The following ZNF804B variants were observed in gnomAD, a reference collection of about 807,000 sequenced individuals.
ZNF804B encodes the protein zinc finger 804B.
ZNF804B carries 80 observed loss-of-function variants against 101.4 expected under a neutral mutation model. The ratio of observed to expected loss-of-function variants is 0.79; its 90% confidence interval spans 0.66 to 0.95. ZNF804B has a LOEUF of 0.95. ZNF804B is among the 40% of genes least tolerant of loss of function. ZNF804B has a pLI of 0.00. For synonymous variants in ZNF804B, 622 were observed against 558.8 expected, an observed-to-expected ratio of 1.11 and a Z score of -1.59; for missense variants, 1,673 against 1,561.9, an observed-to-expected ratio of 1.07 and a Z score of -1.20.
At chr7:89,156,154 C>G (rs1790971765) in intron 1 of ZNF804B, among the ~76,000 whole-genome samples, 1 of 151,352 alleles carries the variant, frequency 6.6e-6, no homozygotes, top group African/African-American at 2.4e-5. Context: ...ACTCTTGTTG[C>G]CCAGGCTGGA....
chr7:89,320,690 C>G (rs544518254), intron 2 of ZNF804B, among the ~76,000 whole-genome samples: 4 of 152,000 alleles, frequency 2.6e-5, no homozygotes, highest in Admixed American at 1.3e-4. Context: ...CCTAAAAGGA[C>G]AGATATAATG....
At chr7:89,110,470 T>A (rs1790200581) in intron 1 of ZNF804B, among the ~76,000 whole-genome samples, 1 of 152,218 alleles carries the variant, frequency 6.6e-6, no homozygotes, top group African/African-American at 2.4e-5. Context: ...AATGTGGTTC[T>A]GGACAAAGGG....
intron 1 of ZNF804B, among the ~76,000 whole-genome samples, chr7:88,979,217 A>C (rs533400357): frequency 1.3e-5 from 2 of 152,136 alleles, no homozygotes; most frequent in Admixed American, 6.6e-5. Flanking sequence ...TATACACCAC[A>C]AATACAGTGT....
intron 1 of ZNF804B, among the ~76,000 whole-genome samples, chr7:89,036,155 A>G (rs1788923907): frequency 1.3e-5 from 2 of 150,830 alleles, no homozygotes; most frequent in African/African-American, 4.9e-5. Flanking sequence ...AAAATGGGTC[A>G]TATATAGAGA....
chr7:88,872,389 C>G (rs894889281), intron 1 of ZNF804B, among the ~76,000 whole-genome samples: 4 of 152,058 alleles, frequency 2.6e-5, no homozygotes, highest in Non-Finnish European at 5.9e-5. Context: ...TTCACTCCAG[C>G]CTGAGTGACA....
At chr7:89,220,813 G>A (rs918337800) in intron 2 of ZNF804B, among the ~76,000 whole-genome samples, 1 of 151,778 alleles carries the variant, frequency 6.6e-6, no homozygotes, top group East Asian at 1.9e-4. Flanking sequence ...GTTTATTTTG[G>A]TATATTTTAA....
intron 1 of ZNF804B, among the ~76,000 whole-genome samples, chr7:88,922,161 T>C (rs1792728476): frequency 6.6e-6 from 1 of 152,068 alleles, no homozygotes. Flanking sequence ...ATTCTGTTAC[T>C]GTCTATATTT....
intron 1 of ZNF804B, among the ~76,000 whole-genome samples, chr7:88,890,594 G>A (rs187075216): frequency 1.3e-5 from 2 of 152,106 alleles, no homozygotes; most frequent in African/African-American, 4.8e-5. Context: ...TTTCTGTGCA[G>A]TTTTACCACA....
chr7:89,290,938 G>A (rs1367668682), intron 2 of ZNF804B, among the ~76,000 whole-genome samples: 2 of 152,106 alleles, frequency 1.3e-5, no homozygotes, highest in Non-Finnish European at 2.9e-5. Flanking sequence ...TCACCACAGA[G>A]AGACTCTGTT....
intron 1 of ZNF804B, among the ~76,000 whole-genome samples, chr7:88,778,803 T>C (rs548995267): frequency 6.6e-6 from 1 of 152,322 alleles, no homozygotes; most frequent in East Asian, 1.9e-4. Context: ...CCTAGCATTG[T>C]ACTAGCTGGT....
chr7:89,110,177 G>A (rs1489709456), intron 1 of ZNF804B, among the ~76,000 whole-genome samples: 2 of 152,060 alleles, frequency 1.3e-5, no homozygotes, highest in Non-Finnish European at 2.9e-5. Context: ...GTCACCAGGA[G>A]GTGTACCAGG....
intron 1 of ZNF804B, among the ~76,000 whole-genome samples, chr7:88,964,224 T>C (rs1793426226): frequency 1.3e-5 from 2 of 151,432 alleles, no homozygotes; most frequent in African/African-American, 4.8e-5. Flanking sequence ...CAGATATTTT[T>C]ACACCAATTT....
intron 1 of ZNF804B, among the ~76,000 whole-genome samples, chr7:89,066,385 A>G (rs150923284): frequency 6.9e-4 from 105 of 152,154 alleles, no homozygotes; most frequent in African/African-American, 2.2e-3. Context: ...ATCATGTCCT[A>G]TGGTGCCTGG....
At chr7:88,982,756 C>G (rs551633083) in intron 1 of ZNF804B, among the ~76,000 whole-genome samples, 1 of 152,110 alleles carries the variant, frequency 6.6e-6, no homozygotes, top group Non-Finnish European at 1.5e-5. Context: ...AGTATTCAAC[C>G]TATATCACCC....
At chr7:89,142,304 TTTGTTGTTG>T (rs148973759) in intron 1 of ZNF804B, among the ~76,000 whole-genome samples, 62 of 151,802 alleles carry the variant, frequency 4.1e-4, no homozygotes, top group Non-Finnish European at 7.1e-4. Flanking sequence ...TTATTTTTCT[TTTGTTGTTG>T]TTGTTGTTGT....
chr7:89,016,177 TG>T (rs1302891457), intron 1 of ZNF804B, among the ~76,000 whole-genome samples: 5 of 152,064 alleles, frequency 3.3e-5, no homozygotes, highest in African/African-American at 1.2e-4. Context: ...TACTTTTTGA[TG>T]GGGTTGTTTG....
intron 2 of ZNF804B, among the ~76,000 whole-genome samples, chr7:89,245,213 C>G (rs1340622259): frequency 6.6e-6 from 1 of 150,832 alleles, no homozygotes; most frequent in African/African-American, 2.5e-5. Context: ...AAAATACAAG[C>G]AAGTAAATAA....
chr7:89,313,198 A>T (rs1790668997), intron 2 of ZNF804B, among the ~76,000 whole-genome samples: 2 of 152,110 alleles, frequency 1.3e-5, no homozygotes, highest in Non-Finnish European at 2.9e-5. Context: ...CTGGTCTCTC[A>T]TTTGGTGTGG....
At chr7:88,982,469 T>C (rs1441358826) in intron 1 of ZNF804B, among the ~76,000 whole-genome samples, 1 of 152,116 alleles carries the variant, frequency 6.6e-6, no homozygotes, top group Non-Finnish European at 1.5e-5. Flanking sequence ...TAGAAATCCA[T>C]GATTAGGGCA....
Sources: gnomAD v4.1 joint callset for allele counts (sites outside exome capture counted in the v4.1 genomes callset) on GRCh38, gnomAD v4.1.1 for gene constraint, MANE v1.5 for transcripts, NCBI Gene and HGNC (gene_info 2026-07-23, HGNC 2026-07-21) for gene names.